VAV3: variants seen among roughly 807,000 people sequenced by gnomAD.
VAV3 encodes vav guanine nucleotide exchange factor 3, also known as guanine nucleotide exchange factor VAV3.
VAV3 carries 94 observed loss-of-function variants against 131.2 expected under a neutral mutation model. The observed-to-expected ratio is 0.72, with a 90% CI of 0.61 to 0.85. VAV3 has a LOEUF of 0.85. VAV3 is among the 40% of genes least tolerant of loss of function. The pLI, the probability that VAV3 is intolerant of heterozygous loss-of-function variation, is 0.00. For synonymous variants in VAV3, 349 were observed against 342.0 expected, an observed-to-expected ratio of 1.02 and a Z score of -0.22; for missense variants, 939 against 1,002.7, an observed-to-expected ratio of 0.94 and a Z score of 0.86.
intron 2 of VAV3, among the ~76,000 whole-genome samples, chr1:107,840,198 A>C (rs901034620): frequency 2.0e-5 from 3 of 152,156 alleles, no homozygotes; most frequent in Non-Finnish European, 2.9e-5. Context: ...GTAATGTTGT[A>C]AATGTAATGT....
At chr1:107,954,732 C>T (rs961719558) in intron 1 of VAV3, among the ~76,000 whole-genome samples, 2 of 150,492 alleles carry the variant, frequency 1.3e-5, no homozygotes, top group African/African-American at 5.0e-5. Flanking sequence ...GAACACTCCT[C>T]CAAGGGAGCC....
intron 21 of VAV3, among the ~76,000 whole-genome samples, chr1:107,616,161 C>A (rs1270726398): frequency 1.3e-5 from 2 of 151,988 alleles, no homozygotes; most frequent in Non-Finnish European, 2.9e-5. Context: ...TATGTTCATC[C>A]CAGCAATATT....
intron 3 of VAV3, among the ~76,000 whole-genome samples, chr1:107,778,729 A>G (rs1165139168): frequency 6.6e-6 from 1 of 152,210 alleles, no homozygotes; most frequent in Non-Finnish European, 1.5e-5. Context: ...AGAAGGTAAA[A>G]AACAAATTTG....
intron 2 of VAV3, among the ~76,000 whole-genome samples, chr1:107,838,163 A>G (rs547186947): frequency 6.6e-6 from 1 of 152,320 alleles, no homozygotes; most frequent in South Asian, 2.1e-4. Context: ...ACCAGAATCT[A>G]TCAGGAACTT....
chr1:107,768,354 G>T, intron 7 of VAV3, 87 bp downstream of exon 7: 1 of 971,104 alleles, frequency 1.0e-6, no homozygotes. Context: ...ATACAAAAGA[G>T]TATTAAAATA....
intron 25 of VAV3, among the ~76,000 whole-genome samples, chr1:107,594,023 G>A (rs748346342): frequency 6.6e-6 from 1 of 151,982 alleles, no homozygotes; most frequent in Non-Finnish European, 1.5e-5. Flanking sequence ...TTTATACAAA[G>A]TTAGTATAAA....
At chr1:107,910,958 T>C (rs1889000) in intron 1 of VAV3, among the ~76,000 whole-genome samples, 54,589 of 151,002 alleles carry the variant, frequency 0.36, 10,676 homozygotes, top group African/African-American at 0.54. Flanking sequence ...CTGGGCTGGG[T>C]CATCTGAAGA....
intron 25 of VAV3, among the ~76,000 whole-genome samples, chr1:107,575,020 C>CTGT (rs1649539389): frequency 4.2e-5 from 3 of 71,002 alleles, no homozygotes; most frequent in South Asian, 3.8e-4. Flanking sequence ...CGCGCGCACA[C>CTGT]GCGCGCGTGT....
chr1:107,806,614 T>C (rs934378158), intron 2 of VAV3, among the ~76,000 whole-genome samples: 1 of 152,208 alleles, frequency 6.6e-6, no homozygotes, highest in Admixed American at 6.5e-5. Flanking sequence ...ATTTTTATTG[T>C]AAATCCTCTA....
chr1:107,639,244 G>A (rs1224714685), intron 20 of VAV3, among the ~76,000 whole-genome samples: 3 of 152,018 alleles, frequency 2.0e-5, no homozygotes, highest in African/African-American at 7.2e-5. Flanking sequence ...AAAGGAGAAT[G>A]TCTTTGTAAC....
chr1:107,600,665 A>G (rs1053262245), intron 24 of VAV3, among the ~76,000 whole-genome samples: 4 of 152,024 alleles, frequency 2.6e-5, no homozygotes, highest in African/African-American at 9.7e-5. Context: ...TATTGCTTTC[A>G]CTATAATCAC....
intron 20 of VAV3, among the ~76,000 whole-genome samples, chr1:107,632,300 A>G (rs1038487130): frequency 1.3e-5 from 2 of 152,158 alleles, no homozygotes; most frequent in African/African-American, 4.8e-5. Context: ...AATCTCTGGA[A>G]GTGAGGCTGT....
intron 20 of VAV3, among the ~76,000 whole-genome samples, chr1:107,622,247 T>A (rs1223411055): frequency 6.6e-6 from 1 of 152,158 alleles, no homozygotes; most frequent in Non-Finnish European, 1.5e-5. Flanking sequence ...TTCATTTTTC[T>A]TCAATAAGAA....
chr1:107,697,419 G>A (rs1659815711), intron 17 of VAV3, among the ~76,000 whole-genome samples: 1 of 152,118 alleles, frequency 6.6e-6, no homozygotes, highest in Non-Finnish European at 1.5e-5. Flanking sequence ...AACAGAAGGG[G>A]AATGGAGGTC....
chr1:107,814,282 T>C (rs938955075), intron 2 of VAV3, among the ~76,000 whole-genome samples: 5 of 152,048 alleles, frequency 3.3e-5, no homozygotes, highest in African/African-American at 1.2e-4. Context: ...TGTATAAGAG[T>C]TCCTGTTCTC....
rs1470717867 is a variant in VAV3 at position 107,616,595 on chromosome 1, TA to T, written c.1980+971del. On this transcript the variant is annotated intron_variant, in intron 21 of 26. Transcript: ENST00000370056. Reference sequence around the variant, plus strand: ...GTACCCCTAAACCTAAAATAAAAGTTAAACAAATGTGATATTAGATCACAAA... The same window carrying T: ...GTACCCCTAAACCTAAAATAAAAGTTAACAAATGTGATATTAGATCACAAA... Among the ~76,000 whole-genome samples the T allele has an allele frequency of 2.0e-5, 3 of 152,112 alleles. No homozygotes were observed. In the East Asian group the frequency reaches 5.8e-4, roughly 29 times the overall value.
intron 2 of VAV3, among the ~76,000 whole-genome samples, chr1:107,796,313 C>T (rs745517312): frequency 3.9e-5 from 6 of 152,140 alleles, no homozygotes; most frequent in Non-Finnish European, 5.9e-5. Context: ...AACCTCAACT[C>T]TACCCAACCA....
chr1:107,674,590 C>T (rs551349134), intron 19 of VAV3, among the ~76,000 whole-genome samples: 11 of 152,230 alleles, frequency 7.2e-5, no homozygotes, highest in Admixed American at 2.0e-4. Context: ...CAGAAGATGT[C>T]GAAGGATAAG....
chr1:107,713,058 A>G (rs1660880080), intron 15 of VAV3, among the ~76,000 whole-genome samples: 1 of 152,224 alleles, frequency 6.6e-6, no homozygotes, highest in Admixed American at 6.5e-5. Context: ...ATAACAATAT[A>G]AAGTTTAGAT....
Sources: gnomAD v4.1 joint callset for allele counts (sites outside exome capture counted in the v4.1 genomes callset) on GRCh38, gnomAD v4.1.1 for gene constraint, MANE v1.5 for transcripts, NCBI Gene and HGNC (gene_info 2026-07-23, HGNC 2026-07-21) for gene names.